Variants in ITPK1 observed in about 807,000 individuals in gnomAD.
The protein encoded by ITPK1 is inositol 1,3,4-trisphosphate 5/6-kinase.
In ITPK1, 21 loss-of-function variants were observed where a neutral mutation model predicts 45.3. The ratio of observed to expected loss-of-function variants is 0.46; its 90% CI spans 0.33 to 0.67. The LOEUF is 0.67. Among genes scored for constraint, ITPK1 ranks in the 30% least tolerant of loss-of-function variants. The probability of loss-of-function intolerance (pLI) is 0.02; values close to 1 mark genes in which losing one functional copy is unlikely to be tolerated. For synonymous variants in ITPK1, 258 were observed against 253.6 expected, an observed-to-expected ratio of 1.02 and a Z score of -0.16; for missense variants, 474 against 573.5, an observed-to-expected ratio of 0.83 and a Z score of 1.77.
chr14:92,973,925 G>A (rs1406121350), intron 5 of ITPK1, among the ~76,000 whole-genome samples: 1 of 152,220 alleles, frequency 6.6e-6, no homozygotes, highest in African/African-American at 2.4e-5. Flanking sequence ...TGGCTGGAGG[G>A]CTCCAGGCAT....
chr14:93,012,194 C>T lies in ITPK1; in HGVS notation c.246+4482G>A, dbSNP rs1887945906. On this transcript the variant is annotated intron_variant, in intron 4 of 10. Coordinates refer to ENST00000267615, the MANE Select transcript of ITPK1 (RefSeq NM_014216.6). The surrounding 1 kb of genome is among the most constrained non-coding windows in gnomAD (Gnocchi z 4.9). ...GCACTGCAGGCGGCAATGGGAACAC[C>T]AGCTGCTGGGAGCAGACACAATCCC... 6.6e-6 allele frequency among the ~76,000 whole-genome samples: 1 copy of T among 152,226 alleles called. No homozygotes were observed. The highest frequency in any genetic ancestry group is 2.4e-5 in the African/African-American group (1 of 41,454).
rs1284527823 is a variant in ITPK1 at position 93,036,974 on chromosome 14, C to G, written c.121-20173G>C. 1 of 152,414 alleles carries G rather than the reference C, an allele frequency of 6.6e-6. No homozygotes were observed. The allele number at this position is 152,414 out of a possible 1,614,324, so 9.4% of individuals were successfully genotyped here. A position where few individuals can be genotyped will look rare whatever the true frequency, so the allele number is the denominator to read the frequency against. On this transcript the variant is annotated intron_variant, in intron 3 of 10. Coordinates refer to ENST00000267615, the MANE Select transcript of ITPK1 (RefSeq NM_014216.6). This position sits in a 1 kb window ranked among gnomAD's most constrained non-coding sequence, Gnocchi z 4.1. The stretch of plus-strand genomic sequence containing the variant: ...CTGGCTGTTCCCCCGGCCCCCACCC[C>G]CTAACAATGCTCCTTTTTTCTTGGG...
intron 5 of ITPK1, among the ~76,000 whole-genome samples, chr14:92,971,186 C>T (rs959503294): frequency 6.6e-6 from 1 of 152,208 alleles, no homozygotes; most frequent in Admixed American, 6.5e-5. Flanking sequence ...CATCCACCTC[C>T]CCCACCCGAC....
intron 4 of ITPK1, among the ~76,000 whole-genome samples, chr14:92,997,730 G>A (rs78514630): frequency 0.017 from 2,624 of 152,282 alleles, 66 homozygotes; most frequent in Admixed American, 0.076. Context: ...CCAGCTAAAG[G>A]ACACCAAGAG....
At chr14:93,112,377 C>G (rs77801902) in intron 2 of ITPK1, among the ~76,000 whole-genome samples, 1,720 of 151,796 alleles carry the variant, frequency 0.011, 15 homozygotes, top group Non-Finnish European at 0.017. Context: ...TTCAGCTAAA[C>G]AACCCACCCC....
chr14:92,999,186 C>T (rs1167208333), intron 4 of ITPK1, among the ~76,000 whole-genome samples: 1 of 152,228 alleles, frequency 6.6e-6, no homozygotes, highest in Non-Finnish European at 1.5e-5. Context: ...GGCCCAGGGG[C>T]CCGGACTGAC....
intron 3 of ITPK1, among the ~76,000 whole-genome samples, chr14:93,047,525 C>T (rs904256588): frequency 1.3e-5 from 2 of 152,200 alleles, no homozygotes; most frequent in South Asian, 2.1e-4. Flanking sequence ...CCAGGCAGGA[C>T]GGCCAAGTGG....
chr14:93,109,652 C>G (rs906352837), intron 2 of ITPK1, among the ~76,000 whole-genome samples: 28 of 152,184 alleles, frequency 1.8e-4, no homozygotes, highest in African/African-American at 6.8e-4. Flanking sequence ...GTGGGGACAG[C>G]ACCTCCACCT....
intron 2 of ITPK1, among the ~76,000 whole-genome samples, chr14:93,092,762 C>T (rs1199527572): frequency 2.0e-5 from 3 of 152,222 alleles, no homozygotes; most frequent in African/African-American, 7.2e-5. Context: ...GTCAGCCAAG[C>T]TTCCACCCCA....
chr14:93,103,893 T>A (rs1368509961), intron 2 of ITPK1, among the ~76,000 whole-genome samples: 1 of 152,144 alleles, frequency 6.6e-6, no homozygotes, highest in East Asian at 1.9e-4. Context: ...TGCCCCGCCC[T>A]GCCCAGGAAG....
At chr14:93,046,595 G>T (rs188729722) in intron 3 of ITPK1, among the ~76,000 whole-genome samples, 1 of 137,788 alleles carries the variant, frequency 7.3e-6, no homozygotes, top group Admixed American at 6.9e-5. Context: ...AGCCGGGGGC[G>T]GGGGGGGGCG....
intron 7 of ITPK1, among the ~76,000 whole-genome samples, chr14:92,961,531 G>A (rs1265230670): frequency 2.0e-5 from 3 of 152,226 alleles, no homozygotes; most frequent in East Asian, 3.8e-4. Flanking sequence ...TCCCTGGCCC[G>A]TCTCAATTCA....
At chr14:93,054,161 C>T (rs949669543) in intron 3 of ITPK1, among the ~76,000 whole-genome samples, 1 of 152,224 alleles carries the variant, frequency 6.6e-6, no homozygotes, top group African/African-American at 2.4e-5. Context: ...GTAGAGTCCC[C>T]ACTTCTAGCA....
intron 5 of ITPK1, among the ~76,000 whole-genome samples, chr14:92,973,421 G>A (rs1289646138): frequency 1.3e-5 from 2 of 152,244 alleles, no homozygotes; most frequent in African/African-American, 2.4e-5. Flanking sequence ...ACCCTGTGGC[G>A]CTGTGGGTCT....
In ITPK1 at chr14:93,063,139, G is replaced by A. The variant is rs1292244631; in HGVS notation, c.120+13456C>T. Among the ~76,000 whole-genome samples the A allele has an allele frequency of 6.6e-6, 1 of 152,024 alleles. No homozygotes were observed. The highest frequency in any genetic ancestry group is 1.9e-4 in the East Asian group (1 of 5,170). On this transcript the variant is annotated intron_variant, in intron 3 of 10. Transcript: ENST00000267615. This position sits in a 1 kb window ranked among gnomAD's most constrained non-coding sequence, Gnocchi z 4.3. Reference sequence around the variant, plus strand: ...CCTTGGCCATTAGCTCAGTCCCAAAGGCATCCTTGCCCATCCCGGCTGCCG... The same window carrying A: ...CCTTGGCCATTAGCTCAGTCCCAAAAGCATCCTTGCCCATCCCGGCTGCCG...
intron 5 of ITPK1, among the ~76,000 whole-genome samples, chr14:92,989,034 G>C (rs1017898367): frequency 2.0e-5 from 3 of 152,092 alleles, no homozygotes; most frequent in Admixed American, 2.0e-4. Flanking sequence ...CGAGGGTTGA[G>C]AGCCAGTTCC....
At position 92,941,618 on chromosome 14, in the gene ITPK1, C is replaced by T. The variant is rs759340795; in HGVS notation, c.1188G>A (p.Ser396=). The T allele has an allele frequency of 4.2e-5, 65 of 1,537,774 alleles. No homozygotes were observed. The highest frequency in any genetic ancestry group is 9.8e-5 in the East Asian group (4 of 40,722). Reference sequence around the variant, plus strand: ...CCACACAATGCTGCTGGAAGCTGGGCGACACGCCGGCGTTGCAGCCGAGTC... The same window carrying T: ...CCACACAATGCTGCTGGAAGCTGGGTGACACGCCGGCGTTGCAGCCGAGTC... ...HQRLGCNAGV[S]PSFQQHCVAS... is the part of the protein sequence containing the mutation. The change falls in exon 11 of 11, where the codon TCG becomes TCA. Residue 396 remains serine, a synonymous_variant. Transcript: ENST00000267615.
intron 5 of ITPK1, among the ~76,000 whole-genome samples, chr14:92,987,318 G>C (rs745595456): frequency 6.6e-6 from 1 of 152,174 alleles, no homozygotes; most frequent in Non-Finnish European, 1.5e-5. Context: ...GAAAGGGGAC[G>C]GGGCAGTGTG....
In ITPK1 at chr14:93,014,785, C is replaced by T. The variant is rs1888089182; in HGVS notation, c.246+1891G>A. Reference sequence around the variant, plus strand: ...GGACGGGAATCATTGAACCTTACAGCTCATGGGAGCAAGTGGGTCAACCGC... The same window carrying T: ...GGACGGGAATCATTGAACCTTACAGTTCATGGGAGCAAGTGGGTCAACCGC... On this transcript the variant is annotated intron_variant, in intron 4 of 10. Transcript: ENST00000267615. The surrounding 1 kb of genome is among the most constrained non-coding windows in gnomAD (Gnocchi z 4.4). Among the ~76,000 whole-genome samples the T allele has an allele frequency of 6.6e-6, 1 of 152,240 alleles. No individual in the cohort carries two copies. The highest frequency in any genetic ancestry group is 1.5e-5 in the Non-Finnish European group (1 of 68,050).
Sources: allele counts gnomAD v4.1 joint callset (sites outside exome capture counted in the v4.1 genomes callset), GRCh38; gene constraint gnomAD v4.1.1; non-coding constraint Gnocchi (gnomAD v3.1); transcripts MANE v1.5; gene names NCBI Gene and HGNC (gene_info 2026-07-23, HGNC 2026-07-21).